Variants in ZNF334 observed in about 807,000 individuals in gnomAD.
The protein encoded by ZNF334 is zinc finger protein 334.
Under a neutral mutation model 12.4 loss-of-function variants are expected in ZNF334, and 14 were observed. The observed-to-expected ratio is 1.13, with a 90% CI of 0.74 to 1.76. The LOEUF (loss-of-function observed/expected upper bound fraction) is 1.76, where lower values mean the gene tolerates loss of function less well. ZNF334 is among the 40% of genes most tolerant of loss of function. The probability of loss-of-function intolerance (pLI) is 0.00; values close to 1 mark genes in which losing one functional copy is unlikely to be tolerated. For missense variants in ZNF334, 797 were observed against 804.5 expected, an observed-to-expected ratio of 0.99 and a Z score of 0.11; for synonymous variants, 273 against 269.6, an observed-to-expected ratio of 1.01 and a Z score of -0.12.
the ZNF334 span, among the ~76,000 whole-genome samples, chr20:46,487,677 C>T: frequency 6.6e-6 from 1 of 152,154 alleles, no homozygotes; most frequent in East Asian, 1.9e-4. Flanking sequence ...CCTGGAAATA[C>T]TTATTACTCT....
chr20:46,497,970 T>C (rs2061052300), downstream of ZNF334, among the ~76,000 whole-genome samples: 1 of 152,240 alleles, frequency 6.6e-6, no homozygotes, highest in South Asian at 2.1e-4. Flanking sequence ...TCCCCGTCTA[T>C]GGAACATTTC....
chr20:46,472,912 A>C, the ZNF334 span, among the ~76,000 whole-genome samples: 2 of 152,234 alleles, frequency 1.3e-5, no homozygotes, highest in Non-Finnish European at 2.9e-5. Context: ...TATATTTGGC[A>C]GGTAATCTGA....
chr20:46,471,782 TC>T, the ZNF334 span, among the ~76,000 whole-genome samples: 2 of 152,230 alleles, frequency 1.3e-5, no homozygotes, highest in African/African-American at 4.8e-5. Context: ...TTTGTTTCTT[TC>T]CTTTAATTAT....
the ZNF334 span, among the ~76,000 whole-genome samples, chr20:46,488,419 T>TA: frequency 2.0e-5 from 2 of 102,242 alleles, no homozygotes; most frequent in Non-Finnish European, 4.0e-5. Flanking sequence ...AGCTCTTATT[T>TA]TATATATATA....
At chr20:46,473,114 T>A in the ZNF334 span, among the ~76,000 whole-genome samples, 5 of 152,242 alleles carry the variant, frequency 3.3e-5, no homozygotes, top group Non-Finnish European at 7.3e-5. Flanking sequence ...TCCACTTTTA[T>A]TGGCATAAAT....
intron 2 of ZNF334, among the ~76,000 whole-genome samples, chr20:46,510,413 G>A (rs1254482902): frequency 3.9e-5 from 6 of 152,200 alleles, no homozygotes; most frequent in South Asian, 2.1e-4. Flanking sequence ...ATGGTAGGAC[G>A]TGAGGAAAAG....
the ZNF334 span, among the ~76,000 whole-genome samples, chr20:46,494,620 A>G: frequency 6.6e-6 from 1 of 152,228 alleles, no homozygotes; most frequent in African/African-American, 2.4e-5. Context: ...GGATAAAGAC[A>G]AAAATTATAC....
the ZNF334 span, among the ~76,000 whole-genome samples, chr20:46,467,054 A>G: frequency 6.6e-6 from 1 of 152,232 alleles, no homozygotes; most frequent in African/African-American, 2.4e-5. Context: ...TATTTCTCAC[A>G]GTTCATGTTA....
the ZNF334 span, among the ~76,000 whole-genome samples, chr20:46,487,142 C>T: frequency 1.7e-3 from 254 of 152,230 alleles, 1 homozygote; most frequent in African/African-American, 5.8e-3. Context: ...GTTTGACTTA[C>T]AGCATTTGCT....
At chr20:46,466,430 T>C in the ZNF334 span, among the ~76,000 whole-genome samples, 1 of 152,214 alleles carries the variant, frequency 6.6e-6, no homozygotes, top group Non-Finnish European at 1.5e-5. Flanking sequence ...AGAATAAATA[T>C]GTGAAAACAG....
chr20:46,503,060 T>C lies in ZNF334; in HGVS notation c.279A>G (p.Gln93=). The change falls in exon 5 of 5, where the codon CAA becomes CAG. Residue 93 remains glutamine (Q), a synonymous_variant. Coordinates refer to ENST00000692313, the MANE Select transcript of ZNF334 (RefSeq NM_001353824.2). ...DDALEKNKEI[Q]DKHLTQTVFF... ...ATACAGTTTGTGTCAAATGTTTATC[T>C]TGGATTTCCTTGTTCTTCTCTAAGG... The C allele has an allele frequency of 6.2e-7, 1 of 1,609,080 alleles. No individual in the cohort carries two copies. The highest frequency in any genetic ancestry group is 8.5e-7 in the Non-Finnish European group (1 of 1,177,792).
downstream of ZNF334, among the ~76,000 whole-genome samples, chr20:46,496,975 T>G (rs1208253776): frequency 6.6e-6 from 1 of 152,226 alleles, no homozygotes; most frequent in African/African-American, 2.4e-5. Flanking sequence ...AGTACCAGCA[T>G]CAGCCATGAG....
At chr20:46,507,567 T>C (rs1483168061) in intron 2 of ZNF334, among the ~76,000 whole-genome samples, 4 of 152,226 alleles carry the variant, frequency 2.6e-5, no homozygotes. Flanking sequence ...AGGTATTTTG[T>C]GTATGATTTT....
chr20:46,504,149 T>C, intron 4 of ZNF334, 65 bp downstream of exon 4: 1 of 1,148,922 alleles, frequency 8.7e-7, no homozygotes, highest in Non-Finnish European at 1.2e-6. Flanking sequence ...TGCCAACTAT[T>C]ACCACCGACC....
At chr20:46,473,786 T>C in the ZNF334 span, among the ~76,000 whole-genome samples, 1 of 152,236 alleles carries the variant, frequency 6.6e-6, no homozygotes, top group Admixed American at 6.5e-5. Context: ...AGGGTGGCTA[T>C]AAAGTTGGGA....
the ZNF334 span, among the ~76,000 whole-genome samples, chr20:46,488,014 T>A: frequency 6.6e-6 from 1 of 152,270 alleles, no homozygotes; most frequent in South Asian, 2.1e-4. Context: ...CAGCCAGGGA[T>A]GCCAAGATCC....
the ZNF334 span, among the ~76,000 whole-genome samples, chr20:46,486,728 G>A: frequency 3.0e-4 from 46 of 152,106 alleles, no homozygotes; most frequent in African/African-American, 9.9e-4. Context: ...TTGACAAAAC[G>A]TACCCAGATT....
the ZNF334 span, among the ~76,000 whole-genome samples, chr20:46,493,777 A>G: frequency 1.3e-5 from 2 of 152,212 alleles, no homozygotes; most frequent in Admixed American, 1.3e-4. Context: ...TAAAAACACA[A>G]AAATTAGCAT....
At chr20:46,487,897 G>A in the ZNF334 span, among the ~76,000 whole-genome samples, 5 of 152,258 alleles carry the variant, frequency 3.3e-5, no homozygotes, top group East Asian at 9.7e-4. Flanking sequence ...GGTCTCAATG[G>A]GGAGAAGGGA....
Sources: gnomAD v4.1 joint callset for allele counts (sites outside exome capture counted in the v4.1 genomes callset) on GRCh38, gnomAD v4.1.1 for gene constraint, MANE v1.5 for transcripts, NCBI Gene and HGNC (gene_info 2026-07-23, HGNC 2026-07-21) for gene names.